Variants in CNTNAP2 observed in about 807,000 individuals in gnomAD.
CNTNAP2 encodes contactin associated protein 2.
In CNTNAP2, 98 loss-of-function variants were observed where a neutral mutation model predicts 155.2. The observed-to-expected ratio is 0.63, with a 90% CI of 0.54 to 0.75. The LOEUF is 0.75. Among genes scored for constraint, CNTNAP2 ranks in the 30% least tolerant of loss-of-function variants. The pLI is 0.00. For synonymous variants in CNTNAP2, 651 were observed against 631.2 expected (o/e 1.03, Z -0.47); for missense variants, 1,727 against 1,688.1 (o/e 1.02, Z -0.40).
At chr7:147,901,342 T>C (rs1799864365) in intron 13 of CNTNAP2, among the ~76,000 whole-genome samples, 1 of 152,184 alleles carries the variant, frequency 6.6e-6, no homozygotes, top group African/African-American at 2.4e-5. Flanking sequence ...TAGTTTCCCA[T>C]TATTTTCAGG....
rs869125044 is a variant in CNTNAP2 at position 147,062,127 on chromosome 7, CAAAAA to C, written c.550+18112_550+18116del. 2.4e-3 allele frequency among the ~76,000 whole-genome samples: 106 copies of C among 44,890 alleles called. No individual in the cohort carries two copies. The South Asian group carries it at 0.024, about 10-fold the overall frequency. The allele number at this position is 44,890 out of a possible 152,430, so 29.4% of individuals were successfully genotyped here. On this transcript the variant is annotated intron_variant, in intron 4 of 23. Coordinates refer to ENST00000361727, the MANE Select transcript of CNTNAP2 (RefSeq NM_014141.6). The stretch of plus-strand genomic sequence containing the variant: ...TGGGCGACAGAGCGAGACTCCGTCT[CAAAAA>C]AAAAAAAAAAAAAAAAAAAAAAAAA...
At chr7:146,119,349 T>C (rs1053278990) in intron 1 of CNTNAP2, among the ~76,000 whole-genome samples, 3 of 152,174 alleles carry the variant, frequency 2.0e-5, no homozygotes, top group Non-Finnish European at 4.4e-5. Context: ...TATTTGCTTA[T>C]GACTTATTTC....
At chr7:146,969,990 G>A (rs1584756722) in intron 3 of CNTNAP2, among the ~76,000 whole-genome samples, 1 of 152,132 alleles carries the variant, frequency 6.6e-6, no homozygotes, top group Non-Finnish European at 1.5e-5. Context: ...ATGGTGCTGG[G>A]AAAACTGGCT....
intron 1 of CNTNAP2, among the ~76,000 whole-genome samples, chr7:146,226,371 T>G (rs1220404812): frequency 6.6e-6 from 1 of 152,100 alleles, no homozygotes; most frequent in Admixed American, 6.6e-5. Flanking sequence ...AAAAAAATTA[T>G]CCTAGGGCTA....
At position 146,728,245 on chromosome 7, in the gene CNTNAP2, G is replaced by T. The variant is rs147608070; in HGVS notation, c.98-46026G>T. ...GCATAGAATAATAATAATAATAGGG[G>T]TCTGAAGAAGAAGATAAGAGTGGTA... On this transcript the variant is annotated intron_variant, in intron 1 of 23. Coordinates refer to ENST00000361727, the MANE Select transcript of CNTNAP2 (RefSeq NM_014141.6). Among the ~76,000 whole-genome samples the T allele has an allele frequency of 1.0e-3, 157 of 152,108 alleles. 1 individual carries two copies. Among genetic ancestry groups the T allele is most frequent in the African/African-American group, 3.5e-3 (146 of 41,490 alleles).
At chr7:146,946,863 AG>A (rs1211612880) in intron 3 of CNTNAP2, among the ~76,000 whole-genome samples, 1 of 152,058 alleles carries the variant, frequency 6.6e-6, no homozygotes, top group Non-Finnish European at 1.5e-5. Flanking sequence ...GATTAGAAAA[AG>A]ATCATTATTT....
At chr7:148,304,085 C>G (rs545325481) in intron 21 of CNTNAP2, among the ~76,000 whole-genome samples, 1 of 152,296 alleles carries the variant, frequency 6.6e-6, no homozygotes, top group South Asian at 2.1e-4. Flanking sequence ...TCATTTAAAA[C>G]CTTATGCTTG....
At chr7:146,683,187 C>A (rs1800535367) in intron 1 of CNTNAP2, among the ~76,000 whole-genome samples, 1 of 152,146 alleles carries the variant, frequency 6.6e-6, no homozygotes, top group Admixed American at 6.6e-5. Context: ...GCACCTGCCA[C>A]CATGCCAGCT....
At chr7:148,137,176 T>C (rs1407540258) in intron 16 of CNTNAP2, among the ~76,000 whole-genome samples, 2 of 152,218 alleles carry the variant, frequency 1.3e-5, no homozygotes, top group African/African-American at 2.4e-5. Flanking sequence ...AGATTCTATA[T>C]TTTTAATGTT....
At chr7:148,039,159 C>T (rs1230437712) in intron 15 of CNTNAP2, among the ~76,000 whole-genome samples, 2 of 152,182 alleles carry the variant, frequency 1.3e-5, no homozygotes, top group African/African-American at 2.4e-5. Context: ...GCCTCAGAAC[C>T]GGGAAAATTA....
intron 13 of CNTNAP2, among the ~76,000 whole-genome samples, chr7:147,891,494 C>T (rs1310362574): frequency 3.3e-5 from 5 of 152,090 alleles, no homozygotes; most frequent in African/African-American, 4.8e-5. Flanking sequence ...TGAGCCACCA[C>T]GCCCAGCCAA....
At chr7:147,577,492 A>G (rs1800416552) in intron 12 of CNTNAP2, among the ~76,000 whole-genome samples, 1 of 151,798 alleles carries the variant, frequency 6.6e-6, no homozygotes, top group Non-Finnish European at 1.5e-5. Flanking sequence ...TGCTCTCTAA[A>G]TCACTCCTAT....
At chr7:148,241,258 G>A (rs183365677) in intron 20 of CNTNAP2, among the ~76,000 whole-genome samples, 7 of 152,060 alleles carry the variant, frequency 4.6e-5, no homozygotes, top group Non-Finnish European at 1.0e-4. Context: ...CCAATAAAAC[G>A]GTAGTTTTCT....
chr7:147,869,361 G>A (rs79763717), intron 13 of CNTNAP2, among the ~76,000 whole-genome samples: 4,614 of 152,262 alleles, frequency 0.03, 220 homozygotes, highest in African/African-American at 0.11. Flanking sequence ...ATTGCTTGCA[G>A]TGTAAGTTTC....
At chr7:147,931,269 T>TAA (rs139889614) in intron 14 of CNTNAP2, among the ~76,000 whole-genome samples, 2 of 132,674 alleles carry the variant, frequency 1.5e-5, no homozygotes, top group Non-Finnish European at 3.3e-5. Context: ...ATTGACAAAC[T>TAA]AAAAAAAAAA....
intron 15 of CNTNAP2, among the ~76,000 whole-genome samples, chr7:148,115,690 C>A (rs1328567106): frequency 6.6e-6 from 1 of 152,092 alleles, no homozygotes; most frequent in East Asian, 1.9e-4. Context: ...GAAGGCTTAC[C>A]CTTGATAACT....
In CNTNAP2 at chr7:147,410,485, C is replaced by G. The variant is rs955700629; in HGVS notation, c.1670+14705C>G. Reference sequence around the variant, plus strand: ...ATGAAATAATCTGTACAACAAACACCCATGACACTAGTTTACCTGTGTAAC... The same window carrying G: ...ATGAAATAATCTGTACAACAAACACGCATGACACTAGTTTACCTGTGTAAC... On this transcript the variant is annotated intron_variant, in intron 10 of 23. Transcript: ENST00000361727. Among the ~76,000 whole-genome samples the G allele has an allele frequency of 3.3e-5, 5 of 152,174 alleles. No individual in the cohort carries two copies. In the South Asian group the frequency reaches 8.3e-4, roughly 25 times the overall value.
intron 1 of CNTNAP2, among the ~76,000 whole-genome samples, chr7:146,583,591 G>A (rs971175499): frequency 1.2e-4 from 18 of 152,140 alleles, no homozygotes; most frequent in African/African-American, 4.3e-4. Context: ...CAGAACAAGA[G>A]ATCGCTTATA....
At chr7:148,223,928 G>A (rs184453117) in intron 19 of CNTNAP2, among the ~76,000 whole-genome samples, 11 of 152,304 alleles carry the variant, frequency 7.2e-5, no homozygotes, top group Admixed American at 3.3e-4. Flanking sequence ...CATAATTGCC[G>A]GTTCCTCCGA....
Sources: gnomAD v4.1 joint callset for allele counts (sites outside exome capture counted in the v4.1 genomes callset) on GRCh38, gnomAD v4.1.1 for gene constraint, MANE v1.5 for transcripts, NCBI Gene and HGNC (gene_info 2026-07-23, HGNC 2026-07-21) for gene names.